EYS: variants seen among roughly 807,000 people sequenced by gnomAD.
EYS encodes protein eyes shut homolog.
EYS carries 250 observed loss-of-function variants against 282.1 expected under a neutral mutation model. The observed-to-expected ratio is 0.89, with a 90% CI of 0.80 to 0.98. The LOEUF is 0.98. Ranked by LOEUF, EYS falls within the 50% of genes least tolerant of loss-of-function variation. EYS has a pLI of 0.00. For synonymous variants in EYS, 1,355 were observed against 1,282.9 expected (o/e 1.06, Z -1.20); for missense variants, 4,016 against 3,709.0 (o/e 1.08, Z -2.15).
intron 28 of EYS, among the ~76,000 whole-genome samples, chr6:64,390,720 T>C (rs1773097329): frequency 6.7e-6 from 1 of 150,368 alleles, no homozygotes; most frequent in South Asian, 2.1e-4. Context: ...AGAGCGCCTC[T>C]CCTCCTCCAA....
At chr6:65,082,371 A>G (rs1462363345) in intron 12 of EYS, among the ~76,000 whole-genome samples, 1 of 152,036 alleles carries the variant, frequency 6.6e-6, no homozygotes, top group African/African-American at 2.4e-5. Flanking sequence ...ATACAAAACC[A>G]TGAATACTTA....
intron 1 of EYS, among the ~76,000 whole-genome samples, chr6:65,697,150 TTG>T (rs1769483995): frequency 6.6e-6 from 1 of 152,048 alleles, no homozygotes; most frequent in Admixed American, 6.6e-5. Flanking sequence ...AAGGTATGTT[TTG>T]TCTCTTAGTT....
Position 63,721,504 on chromosome 6 carries a change from C to T in EYS, c.8527G>A (p.Gly2843Ser), listed in dbSNP as rs1297351696. The stretch of plus-strand genomic sequence containing the variant: ...ACTTGTCGGATACAGCCTTGAAAAC[C>T]TACAGGTTCATTTTCTATTGCCATG... ...NPMAIENEPV[G>S]FQGCIRQVII... Residue 2843 changes from glycine to serine, a missense_variant, in exon 43 of 43, where the codon GGT (glycine) becomes AGT (serine). By Grantham distance (56) the Gly-to-Ser change is moderately conservative. Transcript: ENST00000503581. The T allele has an allele frequency of 6.4e-7, 1 of 1,551,200 alleles. No individual in the cohort carries two copies. The highest frequency in any genetic ancestry group is 8.7e-7 in the Non-Finnish European group (1 of 1,146,644).
At chr6:64,641,060 A>G (rs1562107002) in intron 22 of EYS, among the ~76,000 whole-genome samples, 1 of 152,222 alleles carries the variant, frequency 6.6e-6, no homozygotes, top group African/African-American at 2.4e-5. Context: ...TATCTTCACA[A>G]TAGAACTACT....
intron 31 of EYS, among the ~76,000 whole-genome samples, chr6:64,109,693 G>T (rs540427925): frequency 9.9e-5 from 15 of 152,168 alleles, no homozygotes; most frequent in African/African-American, 3.1e-4. Flanking sequence ...ACCTAAAAAG[G>T]TTCAGTAGTA....
intron 35 of EYS, among the ~76,000 whole-genome samples, chr6:63,883,777 C>T (rs1041280050): frequency 2.0e-5 from 3 of 152,206 alleles, no homozygotes; most frequent in South Asian, 4.2e-4. Flanking sequence ...GTGTTTGCTC[C>T]CCATTTAGTT....
chr6:64,919,426 T>TA (rs1768269106), intron 15 of EYS, among the ~76,000 whole-genome samples: 1 of 150,022 alleles, frequency 6.7e-6, no homozygotes, highest in African/African-American at 2.4e-5. Context: ...TTTCTTTTTT[T>TA]TTTTTTTGTG....
chr6:63,850,106 G>A lies in EYS; in HGVS notation c.7228+14080C>T, dbSNP rs552014695. Among the ~76,000 whole-genome samples the A allele has an allele frequency of 2.6e-5, 4 of 152,188 alleles. No homozygotes were observed. In the East Asian group the frequency reaches 7.7e-4, roughly 29 times the overall value. On this transcript the variant is annotated intron_variant, in intron 36 of 42. Transcript: ENST00000503581. ...TTGAAGATTAACTTAATGAAATAAA[G>A]CATGAAAACAAGATTAGAGAAAAAA... is the stretch of plus-strand genomic sequence containing the variant.
At chr6:64,363,700 A>G (rs775050141) in intron 29 of EYS, among the ~76,000 whole-genome samples, 5 of 152,038 alleles carry the variant, frequency 3.3e-5, no homozygotes, top group African/African-American at 1.2e-4. Context: ...AATCTACCAA[A>G]TAGTGTGTCA....
chr6:65,586,001 G>GA (rs950273598), intron 2 of EYS, among the ~76,000 whole-genome samples: 1 of 151,944 alleles, frequency 6.6e-6, no homozygotes, highest in African/African-American at 2.4e-5. Context: ...ATAGAAGGAG[G>GA]AAAATCAATA....
chr6:64,856,563 T>C (rs1290795514), intron 19 of EYS, among the ~76,000 whole-genome samples: 1 of 152,180 alleles, frequency 6.6e-6, no homozygotes, highest in East Asian at 1.9e-4. Context: ...CTTCCCAAAG[T>C]GCTGGGATTA....
intron 35 of EYS, among the ~76,000 whole-genome samples, chr6:63,885,446 C>G (rs1773239726): frequency 6.6e-6 from 1 of 152,066 alleles, no homozygotes; most frequent in Non-Finnish European, 1.5e-5. Context: ...ATGAGTATCT[C>G]AATGATACTC....
Position 65,565,419 on chromosome 6 carries a change from A to G in EYS, c.-332-69426T>C, listed in dbSNP as rs371134985. On this transcript the variant is annotated intron_variant, in intron 2 of 42. Coordinates refer to ENST00000503581, the MANE Select transcript of EYS (RefSeq NM_001142800.2). ...TGAGATACCATCTTACGCCAGTTAG[A>G]ATGGCGATCATTAAAAAGTCAGGAA... Among the ~76,000 whole-genome samples, 28 of 152,212 alleles carry G rather than the reference A, an allele frequency of 1.8e-4. 1 individual carries two copies. In the East Asian group the frequency reaches 5.0e-3, roughly 27 times the overall value.
chr6:64,415,726 T>C (rs1774040356), intron 28 of EYS, among the ~76,000 whole-genome samples: 1 of 152,238 alleles, frequency 6.6e-6, no homozygotes, highest in South Asian at 2.1e-4. Context: ...TAAAAATTGC[T>C]AGTGATTTTG....
intron 12 of EYS, among the ~76,000 whole-genome samples, chr6:65,282,966 G>A (rs1037490056): frequency 4.6e-5 from 7 of 151,690 alleles, no homozygotes; most frequent in African/African-American, 1.7e-4. Context: ...TCATTTTACA[G>A]GTAGGCAAAA....
chr6:64,661,879 C>T (rs1184805051), intron 22 of EYS, among the ~76,000 whole-genome samples: 15 of 140,548 alleles, frequency 1.1e-4, no homozygotes, highest in African/African-American at 4.1e-4. Context: ...CATCCCATTA[C>T]TGGGTATATA....
intron 22 of EYS, among the ~76,000 whole-genome samples, chr6:64,791,227 A>G (rs1205212095): frequency 6.6e-6 from 1 of 151,856 alleles, no homozygotes; most frequent in African/African-American, 2.4e-5. Context: ...AAAATTTGCA[A>G]ATTTCACTCA....
chr6:64,048,745 G>T (rs1443165739), intron 33 of EYS, among the ~76,000 whole-genome samples: 1 of 151,296 alleles, frequency 6.6e-6, no homozygotes, highest in Admixed American at 6.6e-5. Flanking sequence ...TGGAAATCTG[G>T]TTTCTGTTTC....
At chr6:63,967,502 T>C (rs965688129) in intron 35 of EYS, among the ~76,000 whole-genome samples, 1 of 152,190 alleles carries the variant, frequency 6.6e-6, no homozygotes, top group African/African-American at 2.4e-5. Context: ...ACATTGGCAA[T>C]GCTACCCAAT....
Sources: allele counts gnomAD v4.1 joint callset (sites outside exome capture counted in the v4.1 genomes callset), GRCh38; gene constraint gnomAD v4.1.1; transcripts MANE v1.5; gene names NCBI Gene and HGNC (gene_info 2026-07-23, HGNC 2026-07-21).